STOX2: variants seen among roughly 807,000 people sequenced by gnomAD.
STOX2 encodes the protein storkhead box 2, also known as storkhead-box protein 2.
Under a neutral mutation model 60.9 loss-of-function variants are expected in STOX2, and 28 were observed. That is an observed-to-expected ratio of 0.46 (90% CI 0.34 to 0.63). The LOEUF is 0.63. Ranked by LOEUF, STOX2 falls within the 30% of genes least tolerant of loss-of-function variation. The pLI, the probability that STOX2 is intolerant of heterozygous loss-of-function variation, is 0.01. For missense variants in STOX2, 1,024 were observed against 1,187.7 expected, an observed-to-expected ratio of 0.86 and a Z score of 2.03; for synonymous variants, 472 against 463.9, an observed-to-expected ratio of 1.02 and a Z score of -0.22.
intron 2 of STOX2, among the ~76,000 whole-genome samples, chr4:184,005,457 C>CAAA (rs60307441): frequency 1.7e-5 from 1 of 59,282 alleles, no homozygotes; most frequent in Admixed American, 1.9e-4. Context: ...GACGATATCT[C>CAAA]AAAAAAAAAA....
At chr4:183,863,110 C>G (rs1266351626) in intron 1 of STOX2, among the ~76,000 whole-genome samples, 1 of 152,188 alleles carries the variant, frequency 6.6e-6, no homozygotes, top group Non-Finnish European at 1.5e-5. Flanking sequence ...ACAAGGTCAT[C>G]TGAGAACATC....
chr4:183,876,552 C>T (rs556037862), intron 1 of STOX2, among the ~76,000 whole-genome samples: 17 of 152,318 alleles, frequency 1.1e-4, no homozygotes, highest in East Asian at 3.9e-4. Context: ...CATGTTGAGC[C>T]GGGATGGCAA....
intron 1 of STOX2, chr4:183,798,095 C>T: frequency 8.2e-7 from 1 of 1,223,540 alleles, no homozygotes; most frequent in Middle Eastern, 3.2e-4. Flanking sequence ...TCCCTTCCCA[C>T]CGGATCGCGT....
chr4:184,010,214 C>G lies in STOX2; in HGVS notation c.1376C>G (p.Ser459Cys), dbSNP rs923992719. Residue 459 changes from serine (S) to cysteine (C), a missense_variant, in exon 3 of 4, where the codon TCT becomes TGT. Transcript: ENST00000308497. The surrounding 1 kb of genome is among the most constrained non-coding windows in gnomAD (Gnocchi z 4.5). Reference sequence around the variant, plus strand: ...ACTGAGATGCCTTTTCCTGAACCTTCTAGGGGAAGCTCCCACTCAAAAGTG... The same window carrying G: ...ACTGAGATGCCTTTTCCTGAACCTTGTAGGGGAAGCTCCCACTCAAAAGTG... ...RRTEMPFPEPSRGSSHSKVHR... is the reference protein window; with the variant it reads ...RRTEMPFPEPCRGSSHSKVHR... 1 of 1,554,760 alleles carries G rather than the reference C, an allele frequency of 6.4e-7. No homozygotes were observed. Among genetic ancestry groups the G allele is most frequent in the African/African-American group, 1.4e-5 (1 of 73,168 alleles).
chr4:183,922,866 T>C (rs190684886), intron 1 of STOX2, among the ~76,000 whole-genome samples: 15 of 152,346 alleles, frequency 9.8e-5, no homozygotes, highest in African/African-American at 3.6e-4. Flanking sequence ...CCACCTCATC[T>C]AAGTAGAATC....
chr4:183,845,595 G>A (rs969388777), intron 1 of STOX2, among the ~76,000 whole-genome samples: 3 of 152,140 alleles, frequency 2.0e-5, no homozygotes, highest in Non-Finnish European at 2.9e-5. Context: ...TCACATACCT[G>A]TAAAGGCCAT....
intron 1 of STOX2, among the ~76,000 whole-genome samples, chr4:183,851,256 A>G (rs371393445): frequency 1.1e-3 from 59 of 55,168 alleles, no homozygotes; most frequent in Middle Eastern, 9.3e-3. Flanking sequence ...AAAGGATGAG[A>G]GAAAGGATGA....
chr4:183,935,980 A>G (rs1018751400), intron 1 of STOX2, among the ~76,000 whole-genome samples: 3 of 152,242 alleles, frequency 2.0e-5, no homozygotes, highest in African/African-American at 4.8e-5. Flanking sequence ...AACCCTGTGC[A>G]TTTCAGATTT....
At chr4:183,954,164 T>C (rs1402264145) in intron 1 of STOX2, among the ~76,000 whole-genome samples, 1 of 152,204 alleles carries the variant, frequency 6.6e-6, no homozygotes, top group Non-Finnish European at 1.5e-5. Context: ...GAACATCCAC[T>C]GCACCGTGGA....
At chr4:183,979,928 A>T (rs970115133) in intron 1 of STOX2, among the ~76,000 whole-genome samples, 2 of 152,140 alleles carry the variant, frequency 1.3e-5, no homozygotes, top group Non-Finnish European at 2.9e-5. Context: ...TGTGATGAGA[A>T]TGTTTGGCCA....
At chr4:184,016,817 T>TG (rs1439749308) in intron 3 of STOX2, among the ~76,000 whole-genome samples, 1 of 152,088 alleles carries the variant, frequency 6.6e-6, no homozygotes, top group East Asian at 1.9e-4. Flanking sequence ...TCGTTGAGTG[T>TG]GAAAAAAAGG....
At chr4:183,851,086 GGATGAGGGAAACGATGAGGGAAAC>G (rs1560845433) in intron 1 of STOX2, among the ~76,000 whole-genome samples, 1 of 100,262 alleles carries the variant, frequency 1.0e-5, no homozygotes, top group Non-Finnish European at 2.1e-5. Context: ...ATGAGAGAAA[GGATGAGGGAAACGATGAGGGAAAC>G]GATGAGGGAA....
At chr4:183,894,563 T>TTA (rs1741299248) in intron 1 of STOX2, among the ~76,000 whole-genome samples, 2 of 152,142 alleles carry the variant, frequency 1.3e-5, no homozygotes, top group African/African-American at 4.8e-5. Flanking sequence ...TTTTTTTTTT[T>TTA]AACAGTTATT....
At chr4:183,807,304 A>C (rs889286102) in intron 1 of STOX2, among the ~76,000 whole-genome samples, 2 of 152,158 alleles carry the variant, frequency 1.3e-5, no homozygotes, top group Admixed American at 6.5e-5. Flanking sequence ...AGGGAGGAGA[A>C]CTTCTCCATA....
intron 1 of STOX2, among the ~76,000 whole-genome samples, chr4:183,877,316 G>T (rs548959539): frequency 6.6e-6 from 1 of 152,126 alleles, no homozygotes; most frequent in Non-Finnish European, 1.5e-5. Context: ...TCTCGGGTCC[G>T]CACACAGACC....
At chr4:183,914,661 CT>C (rs1056920758) in intron 1 of STOX2, among the ~76,000 whole-genome samples, 2 of 152,092 alleles carry the variant, frequency 1.3e-5, no homozygotes, top group Non-Finnish European at 1.5e-5. Flanking sequence ...ACGAGAATAG[CT>C]TGGCTTTCTG....
chr4:184,014,110 C>CAAAAAAAAA (rs10527539), intron 3 of STOX2: 5 of 138,644 alleles, frequency 3.6e-5, no homozygotes, highest in African/African-American at 1.3e-4. Context: ...AAGCCCCAAC[C>CAAAAAAAAA]AAAAAAAAAA....
At chr4:183,899,280 G>C (rs1245076364) in intron 1 of STOX2, among the ~76,000 whole-genome samples, 1 of 152,150 alleles carries the variant, frequency 6.6e-6, no homozygotes, top group Non-Finnish European at 1.5e-5. Context: ...AATGGCCTCT[G>C]CATGTTCAAG....
intron 1 of STOX2, among the ~76,000 whole-genome samples, chr4:183,918,619 C>T (rs1212033284): frequency 6.6e-6 from 1 of 152,204 alleles, no homozygotes; most frequent in Non-Finnish European, 1.5e-5. Flanking sequence ...AAAGTAAAGC[C>T]AGTAGGCTCT....
Sources: gnomAD v4.1 joint callset for allele counts (sites outside exome capture counted in the v4.1 genomes callset) on GRCh38, gnomAD v4.1.1 for gene constraint, Gnocchi (gnomAD v3.1) non-coding constraint, MANE v1.5 for transcripts, NCBI Gene and HGNC (gene_info 2026-07-23, HGNC 2026-07-21) for gene names.